The following UBAP2L variants were observed in gnomAD, a reference collection of about 807,000 sequenced individuals.
The protein encoded by UBAP2L is ubiquitin-associated protein 2-like.
In UBAP2L, 12 loss-of-function variants were observed where a neutral mutation model predicts 130.6. The observed-to-expected ratio is 0.09, with a 90% confidence interval of 0.06 to 0.15. The LOEUF (loss-of-function observed/expected upper bound fraction) is 0.15, where lower values mean the gene tolerates loss of function less well. Among genes scored for constraint, UBAP2L ranks in the 10% least tolerant of loss-of-function variants. UBAP2L has a pLI of 1.00. For missense variants in UBAP2L, 965 were observed against 1,332.5 expected (o/e 0.72, Z 4.29); for synonymous variants, 503 against 524.7 (o/e 0.96, Z 0.57).
intron 11 of UBAP2L, among the ~76,000 whole-genome samples, chr1:154,248,756 C>T (rs1414108340): frequency 6.6e-6 from 1 of 152,116 alleles, no homozygotes; most frequent in Non-Finnish European, 1.5e-5. Context: ...GCGGAGCTTG[C>T]AGTGAGCCGA....
In UBAP2L at chr1:154,243,295, G is replaced by T; in HGVS notation, c.835G>T (p.Gly279Cys). ...LPAENVTITA[G>C]QRIDLAVLLG... Reference sequence around the variant, plus strand: ...TGCGGAGAATGTGACAATCACTGCTGGTCAGAGGCAAGTGTGCAGTAAAAT... The same window carrying T: ...TGCGGAGAATGTGACAATCACTGCTTGTCAGAGGCAAGTGTGCAGTAAAAT... The change falls in exon 10 of 27, where the codon GGT becomes TGT. Residue 279 changes from glycine to cysteine, a missense_variant. Gly to Cys is a radical substitution (Grantham distance 159, BLOSUM62 -3). Transcript: ENST00000428931. The T allele has an allele frequency of 6.2e-7, 1 of 1,611,222 alleles. No individual in the cohort carries two copies. Among genetic ancestry groups the T allele is most frequent in the South Asian group, 1.1e-5 (1 of 91,002 alleles).
chr1:154,270,770 G>GTTTTTTT lies in UBAP2L; in HGVS notation c.*485_*491dup, dbSNP rs370017648. 3.2e-4 allele frequency: 293 copies of GTTTTTTT among 922,742 alleles called. No individual in the cohort carries two copies. Among genetic ancestry groups the GTTTTTTT allele is most frequent in the East Asian group, 9.8e-4 (11 of 11,228 alleles). 57.2% of individuals were successfully genotyped at this position (922,742 alleles called of 1,614,324 possible). On this transcript the variant is annotated 3_prime_UTR_variant, in exon 27 of 27. Coordinates refer to ENST00000428931, the MANE Select transcript of UBAP2L (RefSeq NM_014847.4). ...AATTAGTTGAAGTGGTTTTTTTTTT[G>GTTTTTTT]TTTTTTTTTTTTTTTTGTACTGTGT...
chr1:154,251,492 G>T lies in UBAP2L; in HGVS notation c.1503G>T (p.Leu501=). The stretch of plus-strand genomic sequence containing the variant: ...CTTCAACTTTATAGATTCCTGCTCT[G>T]GCTGTGGAGATGCCTGGCTCAGCAG... ...KASLTSKIPA[L]AVEMPGSADI... The change falls in exon 14 of 27, where the codon CTG becomes CTT. Residue 501 remains leucine, a synonymous_variant. Coordinates refer to ENST00000428931, the MANE Select transcript of UBAP2L (RefSeq NM_014847.4). 1 of 1,613,872 alleles carries T rather than the reference G, an allele frequency of 6.2e-7. No homozygotes were observed. Among genetic ancestry groups the T allele is most frequent in the Non-Finnish European group, 8.5e-7 (1 of 1,179,948 alleles).
intron 4 of UBAP2L, among the ~76,000 whole-genome samples, chr1:154,233,531 G>A (rs1178721734): frequency 6.6e-6 from 1 of 151,076 alleles, no homozygotes; most frequent in East Asian, 2.0e-4. Flanking sequence ...CACCGTGTTG[G>A]CCAGGCTGGT....
At chr1:154,258,738 G>A in intron 20 of UBAP2L, 2 of 411,636 alleles carry the variant, frequency 4.9e-6, no homozygotes, top group South Asian at 6.0e-5. Flanking sequence ...GTATCAAGAA[G>A]CCAGCCTACT....
Position 154,259,933 on chromosome 1 carries a change from T to A in UBAP2L, c.2497-15T>A, listed in dbSNP as rs1483359049. On this transcript the variant is annotated splice_polypyrimidine_tract_variant and intron_variant, in intron 21 of 26. Coordinates refer to ENST00000428931, the MANE Select transcript of UBAP2L (RefSeq NM_014847.4). ...GTGACATTGAATCTCTGCTCTTTTT[T>A]CCCCTCTTTTCTAGGATTACTACAG... 30 of 1,612,214 alleles carry A rather than the reference T, an allele frequency of 1.9e-5. No homozygotes were observed. Among genetic ancestry groups the A allele is most frequent in the Non-Finnish European group, 2.5e-5 (29 of 1,178,382 alleles).
chr1:154,239,600 C>G (rs1367656684), intron 8 of UBAP2L, among the ~76,000 whole-genome samples: 1 of 152,178 alleles, frequency 6.6e-6, no homozygotes, highest in Non-Finnish European at 1.5e-5. Flanking sequence ...TCTCTCTCTT[C>G]CTCAGCCATG....
At chr1:154,266,659 C>T in intron 25 of UBAP2L, 91 bp downstream of exon 25, 1 of 1,359,222 alleles carries the variant, frequency 7.4e-7, no homozygotes, top group South Asian at 1.2e-5. Flanking sequence ...ACAAGAAGAA[C>T]CCTAGGAGAG....
At chr1:154,236,681 A>G in intron 7 of UBAP2L, 70 bp downstream of exon 7, 5 of 1,518,220 alleles carry the variant, frequency 3.3e-6, no homozygotes, top group Middle Eastern at 3.4e-4. Context: ...CTTAACCAAA[A>G]TGATCAGAAT....
chr1:154,243,727 C>T (rs1393456029), intron 10 of UBAP2L, among the ~76,000 whole-genome samples: 1 of 152,082 alleles, frequency 6.6e-6, no homozygotes, highest in African/African-American at 2.4e-5. Flanking sequence ...TCCCGAAGTG[C>T]TGGGATTACA....
rs767686253 is a variant in UBAP2L at position 154,270,279 on chromosome 1, G to A, written c.3248G>A (p.Ser1083Asn). 6.2e-7 allele frequency: 1 copy of A among 1,614,010 alleles called. No homozygotes were observed. Among genetic ancestry groups the A allele is most frequent in the African/African-American group, 1.3e-5 (1 of 75,042 alleles). ...QTNKSAYNSY[S>N]WGAN ...AACAAGTCTGCCTACAACAGCTACAGCTGGGGGGCCAACTGAGGCCCTGAC... is the reference window on the plus strand; with the variant it reads ...AACAAGTCTGCCTACAACAGCTACAACTGGGGGGCCAACTGAGGCCCTGAC... Residue 1083 changes from serine (S) to asparagine (N), a missense_variant, in exon 27 of 27, where the codon AGC becomes AAC. Ser to Asn is a conservative substitution (Grantham distance 46, BLOSUM62 1). Around this residue, in one of 9 missense-constraint regions of UBAP2L, gnomAD observed 194 missense variants for 334.0 expected, o/e 0.58. Coordinates refer to ENST00000428931, the MANE Select transcript of UBAP2L (RefSeq NM_014847.4).
intron 15 of UBAP2L, 60 bp from the exon 16 acceptor site, chr1:154,254,776 T>C: frequency 6.4e-7 from 1 of 1,559,586 alleles, no homozygotes; most frequent in Non-Finnish European, 8.7e-7. Context: ...CAGTGCTAAC[T>C]TTCCTCATTC....
At chr1:154,245,942 T>C (rs1379040753) in intron 10 of UBAP2L, among the ~76,000 whole-genome samples, 1 of 152,106 alleles carries the variant, frequency 6.6e-6, no homozygotes, top group Non-Finnish European at 1.5e-5. Context: ...AAACTAGCAT[T>C]TGATATTTCA....
At chr1:154,251,685 T>C (rs1239158696) in intron 14 of UBAP2L, 32 bp downstream of exon 14, 1 of 1,609,602 alleles carries the variant, frequency 6.2e-7, no homozygotes, top group African/African-American at 1.3e-5. Flanking sequence ...AGACCTCTCT[T>C]ATTAACCTTT....
At chr1:154,258,677 G>T in intron 20 of UBAP2L, 1 of 242,014 alleles carries the variant, frequency 4.1e-6, no homozygotes. Context: ...GAGACTTGTA[G>T]AATAGAGAGT....
In UBAP2L at chr1:154,234,676, A is replaced by G. The variant is rs1236216234; in HGVS notation, c.365A>G (p.Glu122Gly). ...ACGGAATCCAATGAGGAAGGCAAAG[A>G]AAATCGAGACCGGGACAGAGACTAT... ...GQTESNEEGK[E>G]NRDRDRDYSR... Residue 122 changes from glutamate (E) to glycine (G), a missense_variant, in exon 5 of 27, where the codon GAA (glutamate) becomes GGA (glycine). Glu to Gly is a moderately conservative substitution (Grantham distance 98, BLOSUM62 -2). This residue lies in a region of UBAP2L where 109 missense variants were observed against 146.6 expected (regional missense o/e 0.74). Transcript: ENST00000428931. 6.2e-7 allele frequency: 1 copy of G among 1,614,146 alleles called. No homozygotes were observed. The highest frequency in any genetic ancestry group is 8.5e-7 in the Non-Finnish European group (1 of 1,180,004).
At chr1:154,248,612 C>T (rs905228109) in intron 11 of UBAP2L, among the ~76,000 whole-genome samples, 25 of 152,118 alleles carry the variant, frequency 1.6e-4, no homozygotes, top group African/African-American at 5.8e-4. Context: ...GTCAGGAGAT[C>T]GAGACCATCC....
At chr1:154,266,604 A>G in intron 25 of UBAP2L, 36 bp downstream of exon 25, 1 of 1,600,554 alleles carries the variant, frequency 6.2e-7, no homozygotes, top group Non-Finnish European at 8.6e-7. Flanking sequence ...TGGAAAAGAG[A>G]TAGACATAGA....
chr1:154,226,117 C>T (rs1667859293), intron 2 of UBAP2L, among the ~76,000 whole-genome samples: 1 of 152,186 alleles, frequency 6.6e-6, no homozygotes, highest in Non-Finnish European at 1.5e-5. Flanking sequence ...CCCTGCCCCA[C>T]CTTGATACCT....
Sources: gnomAD v4.1 joint callset for allele counts (sites outside exome capture counted in the v4.1 genomes callset) on GRCh38, gnomAD v4.1.1 for gene constraint, gnomAD v4.1.1 regional missense constraint, MANE v1.5 for transcripts, NCBI Gene and HGNC (gene_info 2026-07-23, HGNC 2026-07-21) for gene names.